Variants in TRAPPC9 observed in about 807,000 individuals in gnomAD.
TRAPPC9 encodes IKK2 binding protein.
A neutral mutation model predicts 124.0 loss-of-function variants in TRAPPC9; 83 were observed. The ratio of observed to expected loss-of-function variants is 0.67; its 90% CI spans 0.56 to 0.80. The LOEUF (loss-of-function observed/expected upper bound fraction) is 0.80. Ranked by LOEUF, TRAPPC9 falls within the 30% of genes least tolerant of loss-of-function variation. TRAPPC9 has a pLI of 0.00. For synonymous variants in TRAPPC9, 638 were observed against 617.5 expected (o/e 1.03, Z -0.49); for missense variants, 1,302 against 1,508.3 (o/e 0.86, Z 2.27).
At chr8:140,037,569 C>T (rs1840974587) in intron 17 of TRAPPC9, among the ~76,000 whole-genome samples, 1 of 151,806 alleles carries the variant, frequency 6.6e-6, no homozygotes, top group African/African-American at 2.4e-5. Flanking sequence ...AGGTCAAACA[C>T]ATACCACACA....
chr8:139,814,599 C>G, intron 21 of TRAPPC9, among the ~76,000 whole-genome samples: 1 of 152,118 alleles, frequency 6.6e-6, no homozygotes, highest in East Asian at 1.9e-4. Context: ...AGCTGAGACT[C>G]TGAAATACTA....
chr8:140,015,311 T>C (rs1839393269), intron 18 of TRAPPC9, among the ~76,000 whole-genome samples: 1 of 152,196 alleles, frequency 6.6e-6, no homozygotes, highest in African/African-American at 2.4e-5. Context: ...GTGATGCAAA[T>C]GTGTTGAAAT....
At chr8:139,850,154 C>T (rs1175904497) in intron 21 of TRAPPC9, among the ~76,000 whole-genome samples, 1 of 152,230 alleles carries the variant, frequency 6.6e-6, no homozygotes, top group African/African-American at 2.4e-5. Flanking sequence ...GTTTTCTCAC[C>T]TCATACATAT....
intron 18 of TRAPPC9, among the ~76,000 whole-genome samples, chr8:140,003,145 T>C (rs933798443): frequency 2.6e-5 from 4 of 152,072 alleles, no homozygotes; most frequent in South Asian, 4.2e-4. Context: ...TTAAAAACTT[T>C]TGAAACTCAA....
intron 4 of TRAPPC9, among the ~76,000 whole-genome samples, chr8:140,431,765 A>G (rs1361542176): frequency 6.6e-6 from 1 of 152,214 alleles, no homozygotes; most frequent in Non-Finnish European, 1.5e-5. Context: ...TTCAGACACA[A>G]GCCAGCTGAA....
chr8:140,289,930 T>C lies in TRAPPC9; in HGVS notation c.1854+1063A>G, dbSNP rs569106874. Among the ~76,000 whole-genome samples the C allele has an allele frequency of 7.2e-5, 11 of 152,298 alleles. No individual in the cohort carries two copies. In the East Asian group the frequency reaches 2.1e-3, roughly 29 times the overall value. On this transcript the variant is annotated intron_variant, in intron 12 of 22. Coordinates refer to ENST00000438773, the MANE Select transcript of TRAPPC9 (RefSeq NM_001160372.4). ...GGAGCTCAGACAGATTTCGGGAAAC[T>C]ATGCCACGTGCTAGAGGCCTAAACA...
chr8:140,220,720 G>A (rs957989274), intron 17 of TRAPPC9, among the ~76,000 whole-genome samples: 1 of 152,172 alleles, frequency 6.6e-6, no homozygotes, highest in Non-Finnish European at 1.5e-5. Flanking sequence ...TTGGCCAAGC[G>A]ATTCTGATGT....
At chr8:140,081,547 T>C (rs1843821436) in intron 17 of TRAPPC9, among the ~76,000 whole-genome samples, 1 of 152,050 alleles carries the variant, frequency 6.6e-6, no homozygotes. Flanking sequence ...GGTTTCACCA[T>C]ATTGACCAGG....
intron 21 of TRAPPC9, among the ~76,000 whole-genome samples, chr8:139,791,322 CACAG>C (rs1226516415): frequency 1.7e-5 from 2 of 120,040 alleles, no homozygotes; most frequent in African/African-American, 2.5e-5. Flanking sequence ...GTCTCCCCTG[CACAG>C]ACACACACAC....
At chr8:140,458,085 GGTGGAGGAGGGAGGAGGGAGGGA>G (rs1429663393), upstream of TRAPPC9, among the ~76,000 whole-genome samples, 301 of 138,318 alleles carry the variant, frequency 2.2e-3, 1 homozygote, top group Non-Finnish European at 2.5e-3. Flanking sequence ...ACAGGGAGAG[GGTGGAGGAGGGAGGAGGGAGGGA>G]AAAAGGAGGG....
chr8:139,758,024 G>A (rs1186811971), intron 21 of TRAPPC9, among the ~76,000 whole-genome samples: 1 of 152,226 alleles, frequency 6.6e-6, no homozygotes, highest in African/African-American at 2.4e-5. Context: ...CCCAGGGATT[G>A]GGCCTGGGCC....
chr8:139,924,525 A>G (rs1587232744), intron 19 of TRAPPC9, among the ~76,000 whole-genome samples: 1 of 152,174 alleles, frequency 6.6e-6, no homozygotes, highest in Admixed American at 6.5e-5. Context: ...CCGTCAACGC[A>G]CCATCATGCT....
At chr8:139,801,508 C>T (rs530162312) in intron 21 of TRAPPC9, among the ~76,000 whole-genome samples, 25 of 152,294 alleles carry the variant, frequency 1.6e-4, no homozygotes, top group Middle Eastern at 3.4e-3. Flanking sequence ...GCTCCTGCCC[C>T]GCCCCCCTTC....
rs76410914 is a variant in TRAPPC9 at position 139,854,290 on chromosome 8, C to T, written c.3055+31589G>A. 3.1e-3 allele frequency among the ~76,000 whole-genome samples: 471 copies of T among 152,298 alleles called. 2 individuals carry two copies. Among genetic ancestry groups the T allele is most frequent in the African/African-American group, 0.011 (441 of 41,570 alleles). On this transcript the variant is annotated intron_variant, in intron 21 of 22. Transcript: ENST00000438773. ...CATCTCACTTTCTTTGAGTCAGAAT[C>T]GATAGGGGTGGCTGGTTCCCTGGAG...
chr8:140,267,540 C>T (rs912873678), intron 15 of TRAPPC9, among the ~76,000 whole-genome samples: 3 of 152,188 alleles, frequency 2.0e-5, no homozygotes, highest in Admixed American at 6.5e-5. Context: ...CGACCACCAC[C>T]GCCCACCCAA....
rs574758039 is a variant in TRAPPC9, at chr8:140,299,358, G to T, written c.1768+1111C>A. On this transcript the variant is annotated intron_variant, in intron 11 of 22. Coordinates refer to ENST00000438773, the MANE Select transcript of TRAPPC9 (RefSeq NM_001160372.4). ...TAACTCGGGGTGTGGGTGAGCTTGC[G>T]AGTGCAACAGGAAGCCTCTGTCCTG... Among the ~76,000 whole-genome samples the T allele has an allele frequency of 1.5e-4, 23 of 152,324 alleles. 1 individual carries two copies. In the South Asian group the frequency reaches 4.6e-3, roughly 30 times the overall value.
rs1410820738 is a variant in TRAPPC9, at chr8:140,360,202, G to A, written c.1352-9C>T. On this transcript the variant is annotated splice_polypyrimidine_tract_variant and intron_variant, in intron 8 of 22. Coordinates refer to ENST00000438773, the MANE Select transcript of TRAPPC9 (RefSeq NM_001160372.4). Reference sequence around the variant, plus strand: ...CCAGCCTCTGTGCGTGCCTGCGATGGAAGTTACAAAACATCACAAAAGTGC... The same window carrying A: ...CCAGCCTCTGTGCGTGCCTGCGATGAAAGTTACAAAACATCACAAAAGTGC... 6.2e-7 allele frequency: 1 copy of A among 1,614,154 alleles called. No individual in the cohort carries two copies. Among genetic ancestry groups the A allele is most frequent in the Admixed American group, 1.7e-5 (1 of 60,024 alleles).
At chr8:139,867,306 C>T (rs1246022357) in intron 21 of TRAPPC9, among the ~76,000 whole-genome samples, 1 of 152,126 alleles carries the variant, frequency 6.6e-6, no homozygotes, top group Non-Finnish European at 1.5e-5. Context: ...AAGGAGCACC[C>T]AGAGGTCAAA....
chr8:140,279,187 T>G (rs771396803), intron 14 of TRAPPC9, among the ~76,000 whole-genome samples: 4 of 152,214 alleles, frequency 2.6e-5, no homozygotes, highest in Non-Finnish European at 5.9e-5. Context: ...TGTTTTTATA[T>G]TACAGGGCCA....
Sources: gnomAD v4.1 joint callset for allele counts (sites outside exome capture counted in the v4.1 genomes callset) on GRCh38, gnomAD v4.1.1 for gene constraint, MANE v1.5 for transcripts, NCBI Gene and HGNC (gene_info 2026-07-23, HGNC 2026-07-21) for gene names.